Variants in ABCA10 observed in about 807,000 individuals in gnomAD.
ABCA10 encodes the protein ATP binding cassette subfamily A member 10.
ABCA10 carries 169 observed loss-of-function variants against 187.5 expected under a neutral mutation model. That is an observed-to-expected ratio of 0.90 (90% CI 0.80 to 1.02). ABCA10 has a LOEUF of 1.02. Ranked by LOEUF, ABCA10 falls within the 50% of genes least tolerant of loss-of-function variation. The probability of loss-of-function intolerance (pLI) is 0.00; values close to 1 mark genes in which losing one functional copy is unlikely to be tolerated. For synonymous variants in ABCA10, 574 were observed against 601.8 expected (o/e 0.95, Z 0.68); for missense variants, 1,727 against 1,812.4 (o/e 0.95, Z 0.86).
intron 2 of ABCA10, 31 bp downstream of exon 2, chr17:69,227,114 G>GAGATATATATAT (rs1555665026): frequency 1.5e-5 from 2 of 137,416 alleles, no homozygotes; most frequent in African/African-American, 5.2e-5. Context: ...ATTAATTATG[G>GAGATATATATAT]ATATATATAT....
Position 69,155,026 on chromosome 17 carries a change from AAC to A in ABCA10, c.3685_3686del (p.Val1229Ter), listed in dbSNP as rs751881385. The A allele has an allele frequency of 2.3e-4, 370 of 1,584,418 alleles. No homozygotes were observed. The highest frequency in any genetic ancestry group is 5.8e-4 in the South Asian group (52 of 89,192). The stretch of plus-strand genomic sequence containing the variant: ...AGGAACAATTGTTCAAACCTTTTTT[AAC>A]ACAAAAGGAAACATTTCTGATGGCT... ...KIAIRNVSFCVKKGEVLGLLG... is the reference protein window; with the variant it reads ...KIAIRNVSFCXKKGEVLGLLG... On this transcript the variant is annotated frameshift_variant, in exon 30 of 39. Coordinates refer to ENST00000690296, the MANE Select transcript of ABCA10 (RefSeq NM_001377321.1). LOFTEE classifies it high-confidence loss of function.
chr17:69,192,295 G>A (rs1009511663), intron 16 of ABCA10, among the ~76,000 whole-genome samples: 3 of 147,960 alleles, frequency 2.0e-5, no homozygotes, highest in Admixed American at 6.9e-5. Context: ...GCAACAGAGC[G>A]AGACTGTGTC....
intron 1 of ABCA10, among the ~76,000 whole-genome samples, chr17:69,235,795 A>AAC (rs2074865811): frequency 6.6e-6 from 1 of 152,094 alleles, no homozygotes; most frequent in African/African-American, 2.4e-5. Flanking sequence ...AACAAAAAAA[A>AAC]CAAAAACAAA....
chr17:69,195,850 CAT>C (rs1477933426), intron 11 of ABCA10, among the ~76,000 whole-genome samples: 1 of 152,136 alleles, frequency 6.6e-6, no homozygotes, highest in South Asian at 2.1e-4. Flanking sequence ...GGACACAGCA[CAT>C]GTTTCAGAGA....
intron 27 of ABCA10, among the ~76,000 whole-genome samples, chr17:69,159,468 A>G (rs1470655466): frequency 6.6e-6 from 1 of 152,154 alleles, no homozygotes; most frequent in African/African-American, 2.4e-5. Context: ...ATCATAGGTA[A>G]GATAATTACA....
intron 27 of ABCA10, among the ~76,000 whole-genome samples, chr17:69,161,436 T>G (rs1479946466): frequency 6.6e-6 from 1 of 152,182 alleles, no homozygotes; most frequent in Admixed American, 6.5e-5. Flanking sequence ...TGAAAAAACT[T>G]ATATGTGAAA....
intron 25 of ABCA10, among the ~76,000 whole-genome samples, chr17:69,172,184 T>C (rs1274618570): frequency 6.6e-6 from 1 of 152,150 alleles, no homozygotes; most frequent in Non-Finnish European, 1.5e-5. Flanking sequence ...GTAATTAAGA[T>C]ATTTATTAAC....
At chr17:69,163,495 C>T (rs1353871010) in intron 27 of ABCA10, among the ~76,000 whole-genome samples, 1 of 152,078 alleles carries the variant, frequency 6.6e-6, no homozygotes, top group Non-Finnish European at 1.5e-5. Flanking sequence ...GAAAAATATA[C>T]ATTCATTATA....
chr17:69,203,396 A>G (rs1373053763), intron 9 of ABCA10, among the ~76,000 whole-genome samples: 1 of 152,204 alleles, frequency 6.6e-6, no homozygotes, highest in Non-Finnish European at 1.5e-5. Flanking sequence ...TTGTTTTGCT[A>G]CTACTGTAGT....
At chr17:69,219,284 G>A (rs1165899567) in intron 6 of ABCA10, among the ~76,000 whole-genome samples, 1 of 152,160 alleles carries the variant, frequency 6.6e-6, no homozygotes, top group Non-Finnish European at 1.5e-5. Flanking sequence ...ATTGCTGCTT[G>A]AGGTCGTGGG....
At chr17:69,218,641 T>C (rs1357449809) in intron 6 of ABCA10, among the ~76,000 whole-genome samples, 1 of 149,370 alleles carries the variant, frequency 6.7e-6, no homozygotes, top group Non-Finnish European at 1.5e-5. Context: ...GCATAGACTA[T>C]ATAGATGGAG....
At chr17:69,178,066 A>AT (rs2144784700) in intron 22 of ABCA10, among the ~76,000 whole-genome samples, 2 of 142,650 alleles carry the variant, frequency 1.4e-5, no homozygotes, top group South Asian at 4.6e-4. Context: ...GAGGTGCTCA[A>AT]TAACTAAGAA....
chr17:69,162,633 T>C (rs1197286685), intron 27 of ABCA10, among the ~76,000 whole-genome samples: 10 of 152,054 alleles, frequency 6.6e-5, no homozygotes, highest in Admixed American at 6.6e-4. Context: ...TGTTTCCTAA[T>C]CTTAAAATAT....
intron 2 of ABCA10, among the ~76,000 whole-genome samples, chr17:69,226,345 T>C (rs1396925945): frequency 3.9e-5 from 6 of 152,060 alleles, no homozygotes; most frequent in African/African-American, 1.4e-4. Context: ...GTAATAAATA[T>C]AGATGTATCC....
intron 20 of ABCA10, among the ~76,000 whole-genome samples, chr17:69,185,219 C>T (rs2074412028): frequency 6.6e-6 from 1 of 152,082 alleles, no homozygotes; most frequent in South Asian, 2.1e-4. Context: ...GGTGATGAGT[C>T]CACCAAAATC....
intron 20 of ABCA10, among the ~76,000 whole-genome samples, 153 bp downstream of exon 20, chr17:69,185,324 T>C (rs1229668464): frequency 6.6e-6 from 1 of 152,110 alleles, no homozygotes; most frequent in African/African-American, 2.4e-5. Flanking sequence ...ATAAAAAATA[T>C]TAAAAAAGAA....
At chr17:69,233,459 T>C (rs563731154), upstream of ABCA10, 34 of 152,330 alleles carry the variant, frequency 2.2e-4, 1 homozygote, top group African/African-American at 4.6e-4. Context: ...AATTTCTGAA[T>C]TGTTTTTCTG....
At chr17:69,151,967 A>G in intron 36 of ABCA10, 76 bp downstream of exon 36, 1 of 1,535,134 alleles carries the variant, frequency 6.5e-7, no homozygotes, top group African/African-American at 1.4e-5. Context: ...CTTCCGGTTT[A>G]GACTAGCACA....
intron 20 of ABCA10, among the ~76,000 whole-genome samples, chr17:69,183,117 G>A (rs2074393117): frequency 6.6e-6 from 1 of 152,078 alleles, no homozygotes; most frequent in Non-Finnish European, 1.5e-5. Context: ...AAATTTGCTA[G>A]GAGTGACTTT....
Sources: allele counts gnomAD v4.1 joint callset (sites outside exome capture counted in the v4.1 genomes callset), GRCh38; gene constraint gnomAD v4.1.1; transcripts MANE v1.5; gene names NCBI Gene and HGNC (gene_info 2026-07-23, HGNC 2026-07-21).